The following PLD5 variants were observed in gnomAD, a reference collection of about 807,000 sequenced individuals.
PLD5 encodes the protein inactive phospholipase D5.
In PLD5, 36 loss-of-function variants were observed where a neutral mutation model predicts 61.1. The ratio of observed to expected loss-of-function variants is 0.59; its 90% confidence interval spans 0.45 to 0.78. The LOEUF (loss-of-function observed/expected upper bound fraction) is 0.78, where lower values mean the gene tolerates loss of function less well. PLD5 is among the 30% of genes least tolerant of loss of function. The probability of loss-of-function intolerance (pLI) is 0.00; values close to 1 mark genes in which losing one functional copy is unlikely to be tolerated. For synonymous variants in PLD5, 243 were observed against 242.8 expected, an observed-to-expected ratio of 1.00 and a Z score of -0.01; for missense variants, 515 against 644.4, an observed-to-expected ratio of 0.80 and a Z score of 2.17.
chr1:242,257,038 T>TTCTATCTATCTATCTA lies in PLD5; in HGVS notation c.607+8283_607+8298dup, dbSNP rs35243238. On this transcript the variant is annotated intron_variant, in intron 4 of 9. Coordinates refer to ENST00000536534, the MANE Select transcript of PLD5 (RefSeq NM_001372062.1). ...ATCTATCTATATCTACCTACCTACC[T>TTCTATCTATCTATCTA]TCTATCTATCTATCTATCTATCTAT... Among the ~76,000 whole-genome samples, 612 of 142,384 alleles carry TTCTATCTATCTATCTA rather than the reference T, an allele frequency of 4.3e-3. 2 individuals are homozygous for TTCTATCTATCTATCTA. The highest frequency in any genetic ancestry group is 7.5e-3 in the Middle Eastern group (2 of 266). 93.4% of individuals were successfully genotyped at this position (142,384 alleles called of 152,430 possible).
intron 1 of PLD5, among the ~76,000 whole-genome samples, chr1:242,462,808 C>T (rs932901989): frequency 6.6e-6 from 1 of 152,070 alleles, no homozygotes; most frequent in East Asian, 1.9e-4. Context: ...AAAAGAAGTT[C>T]CTGTTGTCAT....
intron 1 of PLD5, among the ~76,000 whole-genome samples, chr1:242,523,626 G>C (rs909404342): frequency 6.6e-6 from 1 of 152,226 alleles, no homozygotes; most frequent in African/African-American, 2.4e-5. Context: ...GCGGGTCCAC[G>C]CTGGTCGCTA....
chr1:242,374,030 C>A (rs78195184), intron 1 of PLD5, among the ~76,000 whole-genome samples: 2,088 of 151,966 alleles, frequency 0.014, 53 homozygotes, highest in African/African-American at 0.048. Flanking sequence ...TTTCTCTGGT[C>A]GCTGTTCATA....
intron 4 of PLD5, among the ~76,000 whole-genome samples, chr1:242,249,742 A>T (rs1672596974): frequency 6.6e-6 from 1 of 152,240 alleles, no homozygotes; most frequent in Non-Finnish European, 1.5e-5. Flanking sequence ...AAAAACATTC[A>T]AAATGTTCTT....
intron 2 of PLD5, among the ~76,000 whole-genome samples, chr1:242,327,196 G>T (rs1028636916): frequency 1.5e-4 from 22 of 151,366 alleles, no homozygotes; most frequent in Middle Eastern, 3.2e-3. Flanking sequence ...TTGTAGAAAC[G>T]GGGTCTCACT....
intron 5 of PLD5, among the ~76,000 whole-genome samples, chr1:242,128,343 T>A (rs1326351447): frequency 2.0e-5 from 3 of 151,534 alleles, no homozygotes; most frequent in Non-Finnish European, 4.4e-5. Context: ...GCTATTTCCC[T>A]ATCCACCTTG....
intron 5 of PLD5, among the ~76,000 whole-genome samples, chr1:242,166,911 T>C (rs776622498): frequency 1.3e-5 from 2 of 152,074 alleles, no homozygotes; most frequent in Non-Finnish European, 2.9e-5. Flanking sequence ...TATGCTTCAA[T>C]GTCCATTGAA....
chr1:242,436,079 C>A lies in PLD5; in HGVS notation c.190-87837G>T, dbSNP rs150145283. 3.8e-3 allele frequency among the ~76,000 whole-genome samples: 578 copies of A among 152,236 alleles called. 5 individuals carry two copies. The highest frequency in any genetic ancestry group is 0.013 in the African/African-American group (545 of 41,536). ...AAGTATTCTTGTGTCTTACCCAAATCCCCAGTGCAAATGAAACCCCACCCC... is the reference window on the plus strand; with the variant it reads ...AAGTATTCTTGTGTCTTACCCAAATACCCAGTGCAAATGAAACCCCACCCC... On this transcript the variant is annotated intron_variant, in intron 1 of 9. Transcript: ENST00000536534.
chr1:242,104,863 C>G (rs1368832217), intron 8 of PLD5, among the ~76,000 whole-genome samples: 1 of 152,182 alleles, frequency 6.6e-6, no homozygotes, highest in African/African-American at 2.4e-5. Context: ...GCATTTAATT[C>G]AGTGCCTGGA....
chr1:242,516,277 T>C (rs886917358), intron 1 of PLD5, among the ~76,000 whole-genome samples: 35 of 64,428 alleles, frequency 5.4e-4, no homozygotes, highest in African/African-American at 1.9e-3. Flanking sequence ...TATATATATA[T>C]ATACATATTC....
intron 6 of PLD5, among the ~76,000 whole-genome samples, chr1:242,122,064 A>T (rs1436675161): frequency 6.6e-6 from 1 of 152,208 alleles, no homozygotes; most frequent in Non-Finnish European, 1.5e-5. Context: ...CGTTGTGCAC[A>T]TGTATCCTAG....
At chr1:242,525,185 TGGAGCC>T (rs948071496), upstream of PLD5, among the ~76,000 whole-genome samples, 3 of 152,218 alleles carry the variant, frequency 2.0e-5, no homozygotes, top group Non-Finnish European at 2.9e-5. Flanking sequence ...ATGTGTTTTC[TGGAGCC>T]GTACACGCTA....
chr1:242,397,106 C>T (rs1197362229), intron 1 of PLD5, among the ~76,000 whole-genome samples: 2 of 152,064 alleles, frequency 1.3e-5, no homozygotes, highest in African/African-American at 2.4e-5. Flanking sequence ...CCTAGATCTA[C>T]CAATCGTCTC....
At chr1:242,223,849 AATAGAG>A (rs1170459242) in intron 4 of PLD5, among the ~76,000 whole-genome samples, 246 of 110,050 alleles carry the variant, frequency 2.2e-3, no homozygotes, top group African/African-American at 8.7e-3. Context: ...GATATATATA[AATAGAG>A]AGAGAGAGAG....
At chr1:242,404,270 C>T (rs927015387) in intron 1 of PLD5, among the ~76,000 whole-genome samples, 11 of 152,068 alleles carry the variant, frequency 7.2e-5, no homozygotes, top group Admixed American at 2.6e-4. Context: ...GAAGGTTTTC[C>T]TGATGAAGCT....
chr1:242,278,336 A>T (rs1674527070), intron 3 of PLD5, among the ~76,000 whole-genome samples: 1 of 152,254 alleles, frequency 6.6e-6, no homozygotes, highest in African/African-American at 2.4e-5. Flanking sequence ...ATTAGAAGGC[A>T]TATCTTAGGT....
chr1:242,108,273 C>G (rs1383856578), intron 7 of PLD5, among the ~76,000 whole-genome samples: 1 of 151,978 alleles, frequency 6.6e-6, no homozygotes, highest in East Asian at 1.9e-4. Context: ...TGAACTTACG[C>G]TCTGGTCATC....
intron 5 of PLD5, among the ~76,000 whole-genome samples, chr1:242,130,880 C>T (rs1041991221): frequency 1.4e-5 from 2 of 147,104 alleles, no homozygotes; most frequent in African/African-American, 5.0e-5. Flanking sequence ...TGGAAGAGAT[C>T]GATTTCTTTT....
At chr1:242,220,957 G>A (rs916531998) in intron 4 of PLD5, among the ~76,000 whole-genome samples, 3 of 151,984 alleles carry the variant, frequency 2.0e-5, no homozygotes, top group Non-Finnish European at 2.9e-5. Flanking sequence ...GGCTGGTCTC[G>A]AATTCCTGAC....
Sources: allele counts gnomAD v4.1 joint callset (sites outside exome capture counted in the v4.1 genomes callset), GRCh38; gene constraint gnomAD v4.1.1; transcripts MANE v1.5; gene names NCBI Gene and HGNC (gene_info 2026-07-23, HGNC 2026-07-21).